Variants in FSTL4 observed in about 807,000 individuals in gnomAD.
FSTL4 encodes follistatin like 4.
In FSTL4, 28 loss-of-function variants were observed where a neutral mutation model predicts 78.2. The observed-to-expected ratio is 0.36, with a 90% CI of 0.27 to 0.49. The LOEUF (loss-of-function observed/expected upper bound fraction) is 0.49, where lower values mean the gene tolerates loss of function less well. Among genes scored for constraint, FSTL4 ranks in the 20% least tolerant of loss-of-function variants. The pLI is 0.98. For missense variants in FSTL4, 922 were observed against 1,084.9 expected, an observed-to-expected ratio of 0.85 and a Z score of 2.11; for synonymous variants, 422 against 440.5, an observed-to-expected ratio of 0.96 and a Z score of 0.53.
the FSTL4 span, among the ~76,000 whole-genome samples, chr5:133,620,199 T>C: frequency 5.9e-5 from 9 of 152,212 alleles, no homozygotes; most frequent in Non-Finnish European, 1.0e-4. Flanking sequence ...AATTCTGGAA[T>C]TTCATGCTTT....
At chr5:133,792,129 C>T in the FSTL4 span, among the ~76,000 whole-genome samples, 1 of 152,186 alleles carries the variant, frequency 6.6e-6, no homozygotes, top group Non-Finnish European at 1.5e-5. Context: ...TCAACAGCCC[C>T]AGAAGGAACA....
chr5:133,498,957 C>G (rs1357784868), intron 3 of FSTL4, among the ~76,000 whole-genome samples: 1 of 151,732 alleles, frequency 6.6e-6, no homozygotes, highest in African/African-American at 2.4e-5. Flanking sequence ...GAATCAATGC[C>G]TGGAATCCCA....
chr5:133,836,528 A>G, the FSTL4 span, among the ~76,000 whole-genome samples: 1 of 152,104 alleles, frequency 6.6e-6, no homozygotes. Context: ...ACCCATACAT[A>G]TATGCACACA....
At chr5:133,701,509 A>ACACACACACACACCC in the FSTL4 span, among the ~76,000 whole-genome samples, 110 of 132,682 alleles carry the variant, frequency 8.3e-4, no homozygotes, top group East Asian at 1.3e-3. Context: ...ACACACACAC[A>ACACACACACACACCC]CCCCACAGGC....
intron 4 of FSTL4, among the ~76,000 whole-genome samples, chr5:133,339,155 C>T (rs564761238): frequency 3.3e-5 from 5 of 152,292 alleles, no homozygotes; most frequent in Admixed American, 2.6e-4. Context: ...CTTGGGGCTA[C>T]AACACCACAG....
chr5:133,302,990 C>T (rs868554651), intron 6 of FSTL4, among the ~76,000 whole-genome samples: 2 of 152,366 alleles, frequency 1.3e-5, no homozygotes, highest in African/African-American at 4.8e-5. Context: ...CTCTGCTGGT[C>T]TTGTCCTCCC....
chr5:133,501,205 T>C (rs1758488904), intron 3 of FSTL4, among the ~76,000 whole-genome samples: 1 of 151,762 alleles, frequency 6.6e-6, no homozygotes, highest in African/African-American at 2.4e-5. Flanking sequence ...AAGGAAGACA[T>C]CTTCCAACCA....
chr5:133,224,182 C>CT lies in FSTL4; in HGVS notation c.1339+7dup. 1 of 1,611,794 alleles carries CT rather than the reference C, an allele frequency of 6.2e-7. No individual in the cohort carries two copies. Among genetic ancestry groups the CT allele is most frequent in the East Asian group, 2.2e-5 (1 of 44,864 alleles). On this transcript the variant is annotated splice_region_variant and intron_variant, in intron 11 of 15. Coordinates refer to ENST00000265342, the MANE Select transcript of FSTL4 (RefSeq NM_015082.2). ...ACAGGCATGACGCAAAACAATGAAGCTTGGTACCTTCCTCTCGCCACAGGA... is the reference window on the plus strand; with the variant it reads ...ACAGGCATGACGCAAAACAATGAAGCTTTGGTACCTTCCTCTCGCCACAGGA...
intron 7 of FSTL4, among the ~76,000 whole-genome samples, chr5:133,242,875 A>G (rs1262647661): frequency 6.6e-6 from 1 of 152,178 alleles, no homozygotes; most frequent in Non-Finnish European, 1.5e-5. Context: ...GCCTACAACC[A>G]CTGTCTATCG....
chr5:133,316,009 C>T lies in FSTL4; in HGVS notation c.603+450G>A, dbSNP rs530598275. On this transcript the variant is annotated intron_variant, in intron 5 of 15. Transcript: ENST00000265342. ...GAGAGCAGGGCTTGGTGGGGGTTGA[C>T]GGGTAGACACAGGGCTTTCTGCAAA... 2.5e-4 allele frequency among the ~76,000 whole-genome samples: 38 copies of T among 152,266 alleles called. No individual in the cohort carries two copies. The South Asian group carries it at 6.0e-3, about 24-fold the overall frequency.
chr5:133,552,705 CG>C (rs1346529626), intron 3 of FSTL4, among the ~76,000 whole-genome samples: 1 of 152,142 alleles, frequency 6.6e-6, no homozygotes, highest in Non-Finnish European at 1.5e-5. Flanking sequence ...GAACAGAAAT[CG>C]GGCTCAAGGG....
the FSTL4 span, among the ~76,000 whole-genome samples, chr5:133,757,271 G>A: frequency 5.3e-5 from 8 of 152,314 alleles, no homozygotes; most frequent in East Asian, 9.6e-4. Context: ...TATCTAAGAT[G>A]TTGTCATTTC....
At chr5:133,819,188 C>G in the FSTL4 span, among the ~76,000 whole-genome samples, 1 of 151,562 alleles carries the variant, frequency 6.6e-6, no homozygotes, top group Non-Finnish European at 1.5e-5. Context: ...AAATAAGAAC[C>G]ACCTAGAACA....
chr5:133,428,050 T>C lies in FSTL4; in HGVS notation c.161-27064A>G, dbSNP rs191430411. On this transcript the variant is annotated intron_variant, in intron 3 of 15. Coordinates refer to ENST00000265342, the MANE Select transcript of FSTL4 (RefSeq NM_015082.2). ...GTGTGAGTTGGGAGGTCACAAGTAA[T>C]GTGTGAATAACAATACCTCAGGTGT... is the stretch of plus-strand genomic sequence containing the variant. Among the ~76,000 whole-genome samples the C allele has an allele frequency of 9.0e-3, 1,377 of 152,320 alleles. 8 individuals carry two copies. Among genetic ancestry groups the C allele is most frequent in the Non-Finnish European group, 0.012 (824 of 68,036 alleles).
chr5:133,467,281 T>TGTGTGA (rs1554116854), intron 3 of FSTL4, among the ~76,000 whole-genome samples: 9 of 151,224 alleles, frequency 6.0e-5, no homozygotes, highest in African/African-American at 2.0e-4. Flanking sequence ...TGTGTGTGTG[T>TGTGTGA]GAGTGTGTAT....
At chr5:133,304,596 T>C (rs901640416) in intron 6 of FSTL4, among the ~76,000 whole-genome samples, 3 of 152,216 alleles carry the variant, frequency 2.0e-5, no homozygotes, top group African/African-American at 4.8e-5. Flanking sequence ...ACGGAGGCCA[T>C]TGACAACTTC....
chr5:133,529,958 T>G (rs529334821), intron 3 of FSTL4, among the ~76,000 whole-genome samples: 10 of 152,262 alleles, frequency 6.6e-5, no homozygotes, highest in Non-Finnish European at 4.4e-5. Flanking sequence ...CGTGACTTTG[T>G]GTAACCATTT....
intron 6 of FSTL4, among the ~76,000 whole-genome samples, chr5:133,260,885 G>A (rs1752505509): frequency 6.6e-6 from 1 of 152,208 alleles, no homozygotes; most frequent in Admixed American, 6.5e-5. Context: ...TGACACTGTG[G>A]GCACGAGCAG....
At chr5:133,495,681 C>T (rs778284961) in intron 3 of FSTL4, among the ~76,000 whole-genome samples, 5 of 152,088 alleles carry the variant, frequency 3.3e-5, no homozygotes, top group South Asian at 2.1e-4. Flanking sequence ...CGGGGCCTAA[C>T]GAGAAATTAG....
Sources: allele counts gnomAD v4.1 joint callset (sites outside exome capture counted in the v4.1 genomes callset), GRCh38; gene constraint gnomAD v4.1.1; transcripts MANE v1.5; gene names NCBI Gene and HGNC (gene_info 2026-07-23, HGNC 2026-07-21).